Variants in FGGY observed in about 807,000 individuals in gnomAD.
FGGY encodes FGGY carbohydrate kinase domain-containing protein.
FGGY carries 72 observed loss-of-function variants against 71.3 expected under a neutral mutation model. The ratio of observed to expected loss-of-function variants is 1.01; its 90% confidence interval spans 0.84 to 1.23. FGGY has a LOEUF of 1.23. Among genes scored for constraint, FGGY ranks in the 50% most tolerant of loss-of-function variants. The pLI, the probability that FGGY is intolerant of heterozygous loss-of-function variation, is 0.00. For missense variants in FGGY, 668 were observed against 682.3 expected, an observed-to-expected ratio of 0.98 and a Z score of 0.23; for synonymous variants, 251 against 250.3, an observed-to-expected ratio of 1.00 and a Z score of -0.02.
intron 7 of FGGY, among the ~76,000 whole-genome samples, chr1:59,544,050 G>T (rs1014673286): frequency 3.9e-5 from 6 of 152,166 alleles, no homozygotes; most frequent in African/African-American, 1.4e-4. Flanking sequence ...TAAGCTGGGG[G>T]GTTTCCTTGG....
chr1:59,371,012 C>A (rs1177093546), intron 4 of FGGY, among the ~76,000 whole-genome samples: 2 of 151,494 alleles, frequency 1.3e-5, no homozygotes, highest in Non-Finnish European at 1.5e-5. Context: ...CGAGCAAAAT[C>A]ACCAGCTAAC....
chr1:59,525,138 C>T (rs369814935), intron 7 of FGGY, among the ~76,000 whole-genome samples: 3 of 152,232 alleles, frequency 2.0e-5, no homozygotes, highest in African/African-American at 4.8e-5. Flanking sequence ...TGCAGCCTTG[C>T]GTGGAGCTGG....
At chr1:59,619,817 G>T (rs2096791124) in intron 9 of FGGY, among the ~76,000 whole-genome samples, 5 of 152,066 alleles carry the variant, frequency 3.3e-5, no homozygotes, top group African/African-American at 1.2e-4. Flanking sequence ...TTGTTAACTG[G>T]GGAGTGGAAG....
chr1:59,459,830 G>T (rs181725565), intron 6 of FGGY, among the ~76,000 whole-genome samples: 2 of 152,110 alleles, frequency 1.3e-5, no homozygotes, highest in African/African-American at 4.8e-5. Context: ...TTCTACTATT[G>T]GGGTAGCCCA....
intron 14 of FGGY, among the ~76,000 whole-genome samples, chr1:59,753,837 A>G (rs1489550539): frequency 1.3e-5 from 2 of 152,124 alleles, no homozygotes; most frequent in Non-Finnish European, 2.9e-5. Flanking sequence ...CAGTAGAGCT[A>G]GTTTTTCCCT....
intron 14 of FGGY, among the ~76,000 whole-genome samples, chr1:59,724,452 C>T (rs1235844256): frequency 1.3e-5 from 2 of 151,970 alleles, no homozygotes; most frequent in African/African-American, 4.8e-5. Context: ...CTGCTGCACT[C>T]CAGCCTGGGC....
chr1:59,302,729 A>T, intron 1 of FGGY, among the ~76,000 whole-genome samples: 1 of 152,208 alleles, frequency 6.6e-6, no homozygotes, highest in Admixed American at 6.5e-5. Flanking sequence ...ATTTATTAAT[A>T]TAAAAAATGC....
intron 14 of FGGY, among the ~76,000 whole-genome samples, chr1:59,752,315 A>G (rs1244398005): frequency 1.3e-5 from 2 of 152,214 alleles, no homozygotes; most frequent in Non-Finnish European, 2.9e-5. Context: ...GCTAGACATT[A>G]GGCCTACAGT....
intron 14 of FGGY, chr1:59,733,432 T>A (rs980891100): frequency 2.7e-5 from 4 of 150,530 alleles, no homozygotes; most frequent in Non-Finnish European, 5.9e-5. Context: ...ATTCAGAACT[T>A]ATGCTGTTGT....
chr1:59,698,745 T>C (rs988164143), intron 14 of FGGY: 1 of 985,400 alleles, frequency 1.0e-6, no homozygotes, highest in Middle Eastern at 5.2e-4. Context: ...TCGTTTTCCA[T>C]TTCATCTTTC....
intron 14 of FGGY, among the ~76,000 whole-genome samples, chr1:59,700,710 G>A (rs1324439559): frequency 2.0e-5 from 3 of 152,118 alleles, no homozygotes; most frequent in Non-Finnish European, 2.9e-5. Flanking sequence ...AAGATCCTAA[G>A]AAACAGCAAT....
chr1:59,361,640 G>A (rs768111879), intron 4 of FGGY, among the ~76,000 whole-genome samples: 3 of 152,182 alleles, frequency 2.0e-5, no homozygotes, highest in Non-Finnish European at 4.4e-5. Flanking sequence ...CTTTGCAGGG[G>A]TGAAGGGGGA....
At chr1:59,390,525 AG>A (rs2060573069) in intron 5 of FGGY, among the ~76,000 whole-genome samples, 1 of 152,158 alleles carries the variant, frequency 6.6e-6, no homozygotes, top group Non-Finnish European at 1.5e-5. Context: ...CTCACATTGG[AG>A]TGAGCCTTCT....
chr1:59,722,262 A>T (rs2097903903), intron 14 of FGGY, among the ~76,000 whole-genome samples: 1 of 152,028 alleles, frequency 6.6e-6, no homozygotes, highest in African/African-American at 2.4e-5. Context: ...AAGGATACTT[A>T]CTATCAGTGT....
chr1:59,559,649 T>C (rs1259325781), intron 8 of FGGY, among the ~76,000 whole-genome samples: 4 of 152,120 alleles, frequency 2.6e-5, no homozygotes, highest in Non-Finnish European at 4.4e-5. Flanking sequence ...TAGTTGATTT[T>C]AGGATTGGAA....
At chr1:59,646,736 G>A (rs933630259) in intron 11 of FGGY, among the ~76,000 whole-genome samples, 3 of 152,032 alleles carry the variant, frequency 2.0e-5, no homozygotes, top group African/African-American at 7.2e-5. Flanking sequence ...CCATTTAAAA[G>A]AAGAGAGAAA....
chr1:59,699,291 T>C, intron 14 of FGGY: 1 of 984,994 alleles, frequency 1.0e-6, no homozygotes, highest in Middle Eastern at 5.2e-4. Context: ...AAATTAAAAA[T>C]TCAATTAGAG....
intron 4 of FGGY, among the ~76,000 whole-genome samples, chr1:59,374,562 C>T (rs988181269): frequency 1.3e-5 from 2 of 151,900 alleles, no homozygotes; most frequent in African/African-American, 2.4e-5. Context: ...GGGTATATAC[C>T]CAAAGGACTA....
intron 14 of FGGY, among the ~76,000 whole-genome samples, chr1:59,714,423 C>A (rs1319002692): frequency 6.6e-6 from 1 of 152,120 alleles, no homozygotes; most frequent in Non-Finnish European, 1.5e-5. Context: ...TCTCTGGGAG[C>A]ATCAAGTTGA....
Sources: gnomAD v4.1 joint callset for allele counts (sites outside exome capture counted in the v4.1 genomes callset) on GRCh38, gnomAD v4.1.1 for gene constraint, MANE v1.5 for transcripts, NCBI Gene and HGNC (gene_info 2026-07-23, HGNC 2026-07-21) for gene names.